The following NBPF14 variants were observed in gnomAD, a reference collection of about 807,000 sequenced individuals.
The protein encoded by NBPF14 is NBPF member 14.
In NBPF14, 104 loss-of-function variants were observed where a neutral mutation model predicts 91.2. The observed-to-expected ratio is 1.14, with a 90% CI of 0.97 to 1.34. The LOEUF (loss-of-function observed/expected upper bound fraction) is 1.34. Ranked by LOEUF, NBPF14 falls within the 40% of genes most tolerant of loss-of-function variation. NBPF14 has a pLI of 0.00. For missense variants in NBPF14, 908 were observed against 783.0 expected (o/e 1.16, Z -1.91); for synonymous variants, 294 against 303.8 (o/e 0.97, Z 0.34).
exon 37 of NBPF14, chr1:148,559,885 C>T (rs1463068517): frequency 1.5e-6 from 2 of 1,343,960 alleles, no homozygotes; most frequent in South Asian, 1.3e-5. Context: ...TTCAAGACAA[C>T]CTGAAGGAGT....
chr1:148,559,937 C>A lies in NBPF14; in HGVS notation c.4585G>T (p.Gly1529Trp), dbSNP rs1261701200. Residue 1529 changes from glycine (G) to tryptophan (W), a missense_variant, in exon 37 of 71, where the codon GGG becomes TGG. This residue lies in a region of NBPF14 where 447 missense variants were observed against 189.1 expected (regional missense o/e 2.36). Coordinates refer to ENST00000619423, the Ensembl canonical transcript of NBPF14. ...AGTGAGTCCTGCAAGACTTCAGGCC[C>A]TTTCTCATGCAGCAGCTCCCTGCTG... 2.2e-5 allele frequency: 31 copies of A among 1,380,078 alleles called. 2 individuals carry two copies. In the East Asian group the frequency reaches 4.3e-4, roughly 19 times the overall value. The allele number at this position is 1,380,078 out of a possible 1,614,324, so 85.5% of individuals were successfully genotyped here.
At chr1:148,534,763 C>A in exon 69 of NBPF14, 2 of 822,226 alleles carry the variant, frequency 2.4e-6, no homozygotes, top group Non-Finnish European at 2.1e-6. Context: ...CTAAGTCAGG[C>A]AGTTCAAGAT....
chr1:148,533,889 C>T (rs1230356919), exon 70 of NBPF14: 2 of 759,926 alleles, frequency 2.6e-6, no homozygotes, highest in Non-Finnish European at 4.8e-6. Context: ...TGATCTTCTT[C>T]CCCTTCTTTT....
rs1200055693 is a variant in NBPF14 at position 148,572,764 on chromosome 1, G to T, written c.2586-149C>A. On this transcript the variant is annotated intron_variant, in intron 20 of 70. Transcript: ENST00000619423. ...GTAACAAATTATTGCCTTTATGTTGGGATAGAACAGGGCCAGATAGAAAAC... is the reference window on the plus strand; with the variant it reads ...GTAACAAATTATTGCCTTTATGTTGTGATAGAACAGGGCCAGATAGAAAAC... The T allele has an allele frequency of 2.1e-5, 11 of 530,708 alleles. 1 individual carries two copies. Among genetic ancestry groups the T allele is most frequent in the South Asian group, 7.5e-5 (4 of 53,434 alleles). 32.9% of individuals were successfully genotyped at this position (530,708 alleles called of 1,614,324 possible).
rs1662431188 is a variant in NBPF14, at chr1:148,591,284, C to CA, written c.566+147dup. 2 of 1,242,362 alleles carry CA rather than the reference C, an allele frequency of 1.6e-6. 1 individual carries two copies. The highest frequency in any genetic ancestry group is 3.5e-5 in the Admixed American group (2 of 57,226). The allele number at this position is 1,242,362 out of a possible 1,614,324, so 77.0% of individuals were successfully genotyped here. ...ACATAGAGAAACACGACAGCTGCCG[C>CA]ACCCTGTGTCTAAGCTGGGTTGAAT... On this transcript the variant is annotated intron_variant, in intron 5 of 70. Transcript: ENST00000619423.
intron 28 of NBPF14, among the ~76,000 whole-genome samples, 166 bp downstream of exon 28, chr1:148,566,786 G>A (rs1418158396): frequency 1.0e-5 from 1 of 97,688 alleles, no homozygotes; most frequent in Non-Finnish European, 2.1e-5. Flanking sequence ...AGGAAGAAAT[G>A]GAAACCTAAA....
exon 37 of NBPF14, chr1:148,559,815 A>G (rs1337510053): frequency 2.0e-6 from 3 of 1,532,928 alleles, no homozygotes; most frequent in Admixed American, 3.6e-5. Flanking sequence ...CAGCCAAGCC[A>G]ACACGCTGCT....
At chr1:148,562,001 A>T (rs1309582040) in intron 34 of NBPF14, among the ~76,000 whole-genome samples, 2 of 63,758 alleles carry the variant, frequency 3.1e-5, no homozygotes, top group Non-Finnish European at 5.1e-5. Context: ...TGCAGTCACC[A>T]TGAGAATACA....
chr1:148,566,507 AG>A (rs1658358428), intron 28 of NBPF14, among the ~76,000 whole-genome samples, 192 bp from the exon 29 acceptor site: 1 of 92,024 alleles, frequency 1.1e-5, no homozygotes, highest in Non-Finnish European at 2.0e-5. Context: ...AGAGAAAGAC[AG>A]ACACACACAC....
At chr1:148,557,043 A>G (rs1482279835) in intron 40 of NBPF14, among the ~76,000 whole-genome samples, 181 bp from the exon 41 acceptor site, 2 of 117,204 alleles carry the variant, frequency 1.7e-5, no homozygotes, top group Non-Finnish European at 1.6e-5. Flanking sequence ...AAAAGAATGA[A>G]AGAGAAAGAC....
intron 17 of NBPF14, 62 bp downstream of exon 17, chr1:148,575,577 G>A: frequency 8.2e-6 from 1 of 122,248 alleles, no homozygotes; most frequent in Non-Finnish European, 1.4e-5. Context: ...CTTGGAACAG[G>A]AATATCACCC....
chr1:148,534,480 C>T (rs1654582649), intron 69 of NBPF14, among the ~76,000 whole-genome samples: 4 of 151,762 alleles, frequency 2.6e-5, no homozygotes, highest in Admixed American at 1.3e-4. Context: ...TGGCCTGAGA[C>T]TAGGAAGAGA....
intron 39 of NBPF14, among the ~76,000 whole-genome samples, chr1:148,557,792 C>G (rs1327963871): frequency 3.5e-5 from 4 of 114,524 alleles, no homozygotes; most frequent in African/African-American, 1.8e-4. Context: ...TTTGTGCAAA[C>G]AGTTATGCTT....
At chr1:148,534,785 G>C in exon 69 of NBPF14, 1 of 867,254 alleles carries the variant, frequency 1.2e-6, no homozygotes. Context: ...ACCTGAAGGA[G>C]TCGAATAACA....
chr1:148,566,443 A>G (rs1468694596), intron 28 of NBPF14, 128 bp from the exon 29 acceptor site: 5 of 601,548 alleles, frequency 8.3e-6, no homozygotes, highest in Non-Finnish European at 1.5e-5. Context: ...TAATGAGGTA[A>G]CAAATTGTTG....
rs1263313961 is a variant in NBPF14, at chr1:148,595,559, G to T, written c.159C>A (p.Asn53Lys). The change falls in exon 2 of 71, where the codon AAC (asparagine) becomes AAA (lysine). Residue 53 changes from asparagine to lysine, a missense_variant. Asn to Lys is a moderately conservative substitution (Grantham distance 94, BLOSUM62 0). Around this residue, in one of 13 missense-constraint regions of NBPF14, gnomAD observed 22 missense variants for 37.3 expected, o/e 0.59. Coordinates refer to ENST00000619423, the Ensembl canonical transcript of NBPF14. ...AGATCTTACTGTATTTCTTCTGTTGGTTGGCCAGGAAGCCGGCCAGTTGAG... is the reference window on the plus strand; with the variant it reads ...AGATCTTACTGTATTTCTTCTGTTGTTTGGCCAGGAAGCCGGCCAGTTGAG... 43 of 1,583,540 alleles carry T rather than the reference G, an allele frequency of 2.7e-5. 1 individual carries two copies. In the East Asian group the frequency reaches 8.9e-4, roughly 33 times the overall value.
intron 59 of NBPF14, among the ~76,000 whole-genome samples, chr1:148,542,122 TA>T (rs1655635778): frequency 9.6e-6 from 1 of 104,080 alleles, no homozygotes; most frequent in African/African-American, 7.1e-5. Context: ...CCAATCAACT[TA>T]AAGCATATAC....
exon 13 of NBPF14, chr1:148,579,131 T>C: frequency 4.0e-6 from 2 of 496,964 alleles, no homozygotes; most frequent in East Asian, 6.1e-5. Flanking sequence ...AATGTGCTGC[T>C]GTAAGACTGG....
At chr1:148,572,646 C>G (rs1345347676) in intron 20 of NBPF14, 31 bp from the exon 21 acceptor site, 5 of 624,544 alleles carry the variant, frequency 8.0e-6, no homozygotes, top group Admixed American at 2.5e-5. Flanking sequence ...AAAGAATAAG[C>G]CAGGGGGAAT....
Sources: allele counts gnomAD v4.1 joint callset (sites outside exome capture counted in the v4.1 genomes callset), GRCh38; gene constraint gnomAD v4.1.1; regional missense constraint gnomAD v4.1.1; transcripts MANE v1.5; gene names NCBI Gene and HGNC (gene_info 2026-07-23, HGNC 2026-07-21).